The following POTEC variants were observed in gnomAD, a reference collection of about 807,000 sequenced individuals.
POTEC encodes the protein ANKRD26-like family B member 2.
POTEC carries 35 observed loss-of-function variants against 62.0 expected under a neutral mutation model. The observed-to-expected ratio is 0.56, with a 90% CI of 0.43 to 0.75. The LOEUF (loss-of-function observed/expected upper bound fraction) is 0.75. Ranked by LOEUF, POTEC falls within the 30% of genes least tolerant of loss-of-function variation. The probability of loss-of-function intolerance (pLI) is 0.00; values close to 1 mark genes in which losing one functional copy is unlikely to be tolerated. For synonymous variants in POTEC, 156 were observed against 221.5 expected (o/e 0.70, Z 2.62); for missense variants, 472 against 655.9 (o/e 0.72, Z 3.06).
In POTEC at chr18:14,511,763, C is replaced by T. The variant is rs1910013017; in HGVS notation, c.*135G>A. 3 of 933,216 alleles carry T rather than the reference C, an allele frequency of 3.2e-6. No individual in the cohort carries two copies. The East Asian group carries it at 7.4e-5, about 23-fold the overall frequency. The allele number at this position is 933,216 out of a possible 1,614,324, so 57.8% of individuals were successfully genotyped here. A position where few individuals can be genotyped will look rare whatever the true frequency, so the allele number is the denominator to read the frequency against. On this transcript the variant is annotated 3_prime_UTR_variant, in exon 11 of 11. Transcript: ENST00000358970. ...TCAAAATCCTAAGCTGTCCACTGTA[C>T]TTAAATATTGGTTTTCGTTAATGCT... is the stretch of plus-strand genomic sequence containing the variant.
rs549286841 is a variant in POTEC, at chr18:14,511,019, C to T, written c.*879G>A. 2.3e-3 allele frequency: 356 copies of T among 152,154 alleles called. 5 individuals carry two copies. The highest frequency in any genetic ancestry group is 8.4e-3 in the African/African-American group (348 of 41,470). 9.4% of individuals were successfully genotyped at this position (152,154 alleles called of 1,614,324 possible). On this transcript the variant is annotated 3_prime_UTR_variant, in exon 11 of 11. Transcript: ENST00000358970. ...AAATGTGGTTGGGGACTGGCTTAAA[C>T]AAGAATCTGGCCACGTTTTCGCAGG...
At chr18:14,535,815 G>A (rs1413841891) in intron 3 of POTEC, among the ~76,000 whole-genome samples, 1 of 151,832 alleles carries the variant, frequency 6.6e-6, no homozygotes, top group East Asian at 1.9e-4. Flanking sequence ...ACAAAGTCCT[G>A]AGAGAGCCAT....
chr18:14,515,999 C>T (rs552994458), intron 9 of POTEC, among the ~76,000 whole-genome samples: 1 of 151,424 alleles, frequency 6.6e-6, no homozygotes, highest in East Asian at 2.0e-4. Flanking sequence ...AGAATGGTCA[C>T]TACTAAAATA....
rs763570573 is a variant in POTEC, at chr18:14,537,913, T to C, written c.698A>G (p.Asn233Ser). 1 of 1,612,704 alleles carries C rather than the reference T, an allele frequency of 6.2e-7. No homozygotes were observed. Among genetic ancestry groups the C allele is most frequent in the Admixed American group, 1.7e-5 (1 of 60,014 alleles). Residue 233 changes from asparagine to serine, a missense_variant, in exon 3 of 11, where the codon AAT becomes AGT. Transcript: ENST00000358970. ...GGTATTTCCATACTCATCTGGAATA[T>C]TTTGATCAGCGCCATGTTCCAGCAA... Reference protein sequence around the residue: ...LMLLEHGADQNIPDEYGNTTL... With the variant: ...LMLLEHGADQSIPDEYGNTTL...
In POTEC at chr18:14,543,580, A is replaced by C. The variant is rs1310566089; in HGVS notation, c.-434T>G. 2 of 272,758 alleles carry C rather than the reference A, an allele frequency of 7.3e-6. No individual in the cohort carries two copies. Among genetic ancestry groups the C allele is most frequent in the South Asian group, 4.0e-5 (1 of 24,784 alleles). 16.9% of individuals were successfully genotyped at this position (272,758 alleles called of 1,614,324 possible). A position where few individuals can be genotyped will look rare whatever the true frequency, so the allele number is the denominator to read the frequency against. On this transcript the variant is annotated 5_prime_UTR_variant, in exon 1 of 11. Coordinates refer to ENST00000358970, the MANE Select transcript of POTEC (RefSeq NM_001137671.2). ...GAACGCAAAGCGAAGCGTACCCGTTACAGGTAAGCCAAGCCGTTATGCGCG... is the reference window on the plus strand; with the variant it reads ...GAACGCAAAGCGAAGCGTACCCGTTCCAGGTAAGCCAAGCCGTTATGCGCG...
At chr18:14,535,286 T>A (rs1905674917) in intron 3 of POTEC, among the ~76,000 whole-genome samples, 1 of 141,664 alleles carries the variant, frequency 7.1e-6, no homozygotes, top group Admixed American at 7.2e-5. Flanking sequence ...CACTTTTGGA[T>A]GATTTTTTTT....
chr18:14,509,464 C>T lies in POTEC; in HGVS notation c.*2434G>A, dbSNP rs1418233181. ...TTGGTGTGGGTTGGGGTGTGTGCTG[C>T]ATTCCCATATGCTGTTAGGGCAAGT... On this transcript the variant is annotated 3_prime_UTR_variant, in exon 11 of 11. Coordinates refer to ENST00000358970, the MANE Select transcript of POTEC (RefSeq NM_001137671.2). The T allele has an allele frequency of 6.6e-6, 1 of 151,798 alleles. No homozygotes were observed. Among genetic ancestry groups the T allele is most frequent in the Non-Finnish European group, 1.5e-5 (1 of 67,954 alleles). The allele number at this position is 151,798 out of a possible 1,614,324, so 9.4% of individuals were successfully genotyped here. A position where few individuals can be genotyped will look rare whatever the true frequency, so the allele number is the denominator to read the frequency against.
At chr18:14,512,174 A>T (rs1172054075) in intron 10 of POTEC, among the ~76,000 whole-genome samples, 181 bp from the exon 11 acceptor site, 1 of 151,934 alleles carries the variant, frequency 6.6e-6, no homozygotes, top group Non-Finnish European at 1.5e-5. Flanking sequence ...AAAAAGTTGA[A>T]ATATTTATCT....
chr18:14,530,377 C>T, intron 6 of POTEC, 106 bp downstream of exon 6: 2 of 1,546,950 alleles, frequency 1.3e-6, no homozygotes, highest in South Asian at 1.2e-5. Flanking sequence ...AAACCATCCC[C>T]ACCTTCCCCC....
At chr18:14,542,586 C>G in intron 1 of POTEC, 40 bp downstream of exon 1, 2 of 1,611,300 alleles carry the variant, frequency 1.2e-6, no homozygotes, top group Non-Finnish European at 1.7e-6. Context: ...TCCCCATCAT[C>G]CCCCCATGTC....
chr18:14,511,209 C>A lies in POTEC; in HGVS notation c.*689G>T, dbSNP rs1421085611. 3.2e-5 allele frequency: 5 copies of A among 154,592 alleles called. No individual in the cohort carries two copies. Among genetic ancestry groups the A allele is most frequent in the Non-Finnish European group, 5.7e-5 (4 of 70,026 alleles). 9.6% of individuals were successfully genotyped at this position (154,592 alleles called of 1,614,324 possible). A position where few individuals can be genotyped will look rare whatever the true frequency, so the allele number is the denominator to read the frequency against. ...TTTCAAATCTCCATTGGCCAGGGAA[C>A]ACTGGTGGGTGTAGCTGGAGGCCTC... is the stretch of plus-strand genomic sequence containing the variant. On this transcript the variant is annotated 3_prime_UTR_variant, in exon 11 of 11. Coordinates refer to ENST00000358970, the MANE Select transcript of POTEC (RefSeq NM_001137671.2).
chr18:14,526,936 ATAC>A (rs1423764765), intron 6 of POTEC, among the ~76,000 whole-genome samples: 1 of 152,166 alleles, frequency 6.6e-6, no homozygotes, highest in African/African-American at 2.4e-5. Context: ...AGCTGAGATG[ATAC>A]TACGTAGCAA....
intron 5 of POTEC, among the ~76,000 whole-genome samples, chr18:14,530,925 GCC>G (rs1905492700): frequency 1.3e-5 from 2 of 152,016 alleles, no homozygotes; most frequent in African/African-American, 4.8e-5. Flanking sequence ...GGACTTTGCT[GCC>G]TTATTTCACT....
chr18:14,539,520 C>A (rs1424144549), intron 1 of POTEC, among the ~76,000 whole-genome samples: 1 of 143,698 alleles, frequency 7.0e-6, no homozygotes, highest in African/African-American at 2.6e-5. Flanking sequence ...TAAGTGAGAC[C>A]ACGCAGTATT....
At position 14,543,339 on chromosome 18, in the gene POTEC, A is replaced by T; in HGVS notation, c.-193T>A. 9.9e-7 allele frequency: 1 copy of T among 1,011,182 alleles called. No homozygotes were observed. The highest frequency in any genetic ancestry group is 1.4e-6 in the Non-Finnish European group (1 of 702,044). The allele number at this position is 1,011,182 out of a possible 1,614,324, so 62.6% of individuals were successfully genotyped here. On this transcript the variant is annotated 5_prime_UTR_variant, in exon 1 of 11. Coordinates refer to ENST00000358970, the MANE Select transcript of POTEC (RefSeq NM_001137671.2). ...GGAAAACCCACACCCACCCGGGGAA[A>T]GCCCACGCCCACCAGGGGGACCCAA...
chr18:14,540,418 A>C (rs990132178), intron 1 of POTEC, among the ~76,000 whole-genome samples: 4 of 152,152 alleles, frequency 2.6e-5, no homozygotes, highest in African/African-American at 7.2e-5. Flanking sequence ...AAATCCCCAG[A>C]AATAAGTTTG....
intron 9 of POTEC, among the ~76,000 whole-genome samples, chr18:14,517,897 TCTGA>T (rs1460694391): frequency 1.3e-5 from 2 of 152,150 alleles, no homozygotes; most frequent in Non-Finnish European, 2.9e-5. Flanking sequence ...TTGCAATTCC[TCTGA>T]CTCAGTTTGC....
rs1457228160 is a variant in POTEC at position 14,537,886 on chromosome 18, G to T, written c.725C>A (p.Thr242Asn). The change falls in exon 3 of 11, where the codon ACT becomes AAT. Residue 242 changes from threonine (T) to asparagine (N), a missense_variant. This residue lies in a region of POTEC where 52 missense variants were observed against 54.2 expected (regional missense o/e 0.96). Transcript: ENST00000358970. ...TTCATTGTGGACAGCATAGTGTAGA[G>T]TGGTATTTCCATACTCATCTGGAAT... Reference protein sequence around the residue: ...QNIPDEYGNTTLHYAVHNEDK... With the variant: ...QNIPDEYGNTNLHYAVHNEDK... The T allele has an allele frequency of 1.3e-5, 21 of 1,612,272 alleles. No individual in the cohort carries two copies. The highest frequency in any genetic ancestry group is 1.6e-5 in the Non-Finnish European group (19 of 1,179,804).
chr18:14,511,839 A>C lies in POTEC; in HGVS notation c.*59T>G, dbSNP rs986286776. ...GAAGTTTATCAGTCTTTTCTTTCAC[A>C]CTTTCAATTTCCTCCAAAATTTTAT... On this transcript the variant is annotated 3_prime_UTR_variant, in exon 11 of 11. Transcript: ENST00000358970. 22 of 1,370,192 alleles carry C rather than the reference A, an allele frequency of 1.6e-5. No homozygotes were observed. The highest frequency in any genetic ancestry group is 2.3e-5 in the Non-Finnish European group (22 of 961,418). The allele number at this position is 1,370,192 out of a possible 1,614,324, so 84.9% of individuals were successfully genotyped here. A position where few individuals can be genotyped will look rare whatever the true frequency, so the allele number is the denominator to read the frequency against.
Sources: allele counts gnomAD v4.1 joint callset (sites outside exome capture counted in the v4.1 genomes callset), GRCh38; gene constraint gnomAD v4.1.1; regional missense constraint gnomAD v4.1.1; transcripts MANE v1.5; gene names NCBI Gene and HGNC (gene_info 2026-07-23, HGNC 2026-07-21).